The following PPP1R9A variants were observed in gnomAD, a reference collection of about 807,000 sequenced individuals.
PPP1R9A encodes neurabin-1.
Under a neutral mutation model 141.9 loss-of-function variants are expected in PPP1R9A, and 59 were observed. The ratio of observed to expected loss-of-function variants is 0.42; its 90% CI spans 0.34 to 0.52. The LOEUF (loss-of-function observed/expected upper bound fraction) is 0.52. PPP1R9A is among the 20% of genes least tolerant of loss of function. The pLI is 0.10. For synonymous variants in PPP1R9A, 500 were observed against 569.7 expected, an observed-to-expected ratio of 0.88 and a Z score of 1.74; for missense variants, 1,444 against 1,611.9, an observed-to-expected ratio of 0.90 and a Z score of 1.78.
intron 6 of PPP1R9A, chr7:95,202,626 C>T: frequency 1.1e-6 from 1 of 902,504 alleles, no homozygotes; most frequent in Non-Finnish European, 1.3e-6. Flanking sequence ...TTTCATGACA[C>T]TCGGGGGGTA....
At chr7:94,942,433 A>C (rs914701061) in intron 2 of PPP1R9A, among the ~76,000 whole-genome samples, 1 of 152,188 alleles carries the variant, frequency 6.6e-6, no homozygotes, top group Admixed American at 6.6e-5. Context: ...GGCCAAATCT[A>C]GACCTCTGTT....
At chr7:95,261,132 C>T (rs1287528923) in intron 12 of PPP1R9A, among the ~76,000 whole-genome samples, 1 of 152,078 alleles carries the variant, frequency 6.6e-6, no homozygotes, top group East Asian at 1.9e-4. Context: ...TGAAGTGTTG[C>T]CCTGGGCTCC....
chr7:95,232,512 G>A (rs1585375017), intron 8 of PPP1R9A, among the ~76,000 whole-genome samples: 1 of 151,994 alleles, frequency 6.6e-6, no homozygotes, highest in Non-Finnish European at 1.5e-5. Context: ...AAAAGCCAAA[G>A]TTGACAAATG....
rs1585534943 is a variant in PPP1R9A at position 95,265,076 on chromosome 7, T to C, written c.2666-3474T>C. Among the ~76,000 whole-genome samples the C allele has an allele frequency of 2.0e-5, 3 of 152,212 alleles. No homozygotes were observed. The South Asian group carries it at 6.2e-4, about 32-fold the overall frequency. On this transcript the variant is annotated intron_variant, in intron 12 of 19. Coordinates refer to ENST00000433360, the MANE Select transcript of PPP1R9A (RefSeq NM_001166160.2). ...CACAAAACTGACAGCTATTTTTCTT[T>C]GTAAGAATTTTATTCTTGGATATAT... is the stretch of plus-strand genomic sequence containing the variant.
At chr7:94,963,793 A>G (rs1797905765) in intron 2 of PPP1R9A, among the ~76,000 whole-genome samples, 1 of 152,148 alleles carries the variant, frequency 6.6e-6, no homozygotes, top group South Asian at 2.1e-4. Flanking sequence ...ATATCTTTAC[A>G]CCAGATAGTA....
intron 8 of PPP1R9A, among the ~76,000 whole-genome samples, chr7:95,245,908 A>G (rs1307763997): frequency 6.6e-6 from 1 of 152,214 alleles, no homozygotes; most frequent in Non-Finnish European, 1.5e-5. Context: ...CACACCAGCA[A>G]GATGGCCAGA....
intron 4 of PPP1R9A, among the ~76,000 whole-genome samples, chr7:95,145,776 T>C (rs1380044054): frequency 6.6e-6 from 1 of 152,198 alleles, no homozygotes; most frequent in Admixed American, 6.5e-5. Flanking sequence ...CTGTGTTAGT[T>C]TGCTGAGAAT....
At chr7:95,196,636 ATAACTGATACT>A (rs1836322224) in intron 5 of PPP1R9A, among the ~76,000 whole-genome samples, 1 of 152,158 alleles carries the variant, frequency 6.6e-6, no homozygotes, top group African/African-American at 2.4e-5. Flanking sequence ...AAAAGAGCAA[ATAACTGATACT>A]TACAGCAACA....
intron 8 of PPP1R9A, among the ~76,000 whole-genome samples, chr7:95,243,371 C>CGG (rs1271374901): frequency 6.6e-6 from 1 of 152,092 alleles, no homozygotes; most frequent in Non-Finnish European, 1.5e-5. Context: ...AGCATAGTAC[C>CGG]TAGCACGTAG....
At chr7:95,099,817 TA>T (rs975329286) in intron 2 of PPP1R9A, among the ~76,000 whole-genome samples, 5 of 151,948 alleles carry the variant, frequency 3.3e-5, no homozygotes, top group Admixed American at 6.6e-5. Flanking sequence ...AAAATTAAAA[TA>T]AAAAAATACT....
At chr7:95,137,758 A>T (rs1825928872) in intron 4 of PPP1R9A, among the ~76,000 whole-genome samples, 1 of 152,170 alleles carries the variant, frequency 6.6e-6, no homozygotes, top group Non-Finnish European at 1.5e-5. Flanking sequence ...AAGGACCAAG[A>T]TAACAGTTCT....
intron 3 of PPP1R9A, among the ~76,000 whole-genome samples, chr7:95,119,295 TA>T (rs59593432): frequency 2.2e-4 from 32 of 148,084 alleles, no homozygotes; most frequent in Non-Finnish European, 2.7e-4. Context: ...GTAAGTGAAT[TA>T]AAAAAAAAAG....
intron 2 of PPP1R9A, among the ~76,000 whole-genome samples, chr7:95,101,103 C>T (rs1352688149): frequency 3.3e-5 from 5 of 151,940 alleles, no homozygotes; most frequent in East Asian, 3.9e-4. Context: ...CCGCCCGCCT[C>T]GGCCTCCCAA....
At chr7:95,057,594 G>T (rs79138234) in intron 2 of PPP1R9A, among the ~76,000 whole-genome samples, 1 of 152,202 alleles carries the variant, frequency 6.6e-6, no homozygotes, top group African/African-American at 2.4e-5. Context: ...GTACATTAAA[G>T]AAATGATTAT....
chr7:94,997,989 T>C lies in PPP1R9A; in HGVS notation c.1395+86481T>C, dbSNP rs148952721. ...CTCAATGTTTGAAAAAAAATTTTTTTTCCTCAGTTTTCTAGTAGCTTACAG... is the reference window on the plus strand; with the variant it reads ...CTCAATGTTTGAAAAAAAATTTTTTCTCCTCAGTTTTCTAGTAGCTTACAG... On this transcript the variant is annotated intron_variant, in intron 2 of 19. Coordinates refer to ENST00000433360, the MANE Select transcript of PPP1R9A (RefSeq NM_001166160.2). Among the ~76,000 whole-genome samples, 582 of 152,314 alleles carry C rather than the reference T, an allele frequency of 3.8e-3. 22 individuals carry two copies. Among genetic ancestry groups the C allele is most frequent in the East Asian group, 0.034 (176 of 5,192 alleles).
chr7:95,229,446 C>T (rs1421350674), intron 8 of PPP1R9A, among the ~76,000 whole-genome samples: 2 of 151,452 alleles, frequency 1.3e-5, no homozygotes, highest in Non-Finnish European at 2.9e-5. Flanking sequence ...TGAGACTGGC[C>T]TTTAGGACTC....
intron 12 of PPP1R9A, among the ~76,000 whole-genome samples, chr7:95,261,837 T>C (rs1250944446): frequency 6.6e-6 from 1 of 152,202 alleles, no homozygotes; most frequent in African/African-American, 2.4e-5. Flanking sequence ...AAAATTCTTA[T>C]ACATCTATTA....
At chr7:95,143,716 C>T (rs1188349975) in intron 4 of PPP1R9A, among the ~76,000 whole-genome samples, 1 of 152,128 alleles carries the variant, frequency 6.6e-6, no homozygotes, top group African/African-American at 2.4e-5. Flanking sequence ...TACATTATTA[C>T]CTGGGCTGGT....
At chr7:94,916,009 A>C (rs922314845) in intron 2 of PPP1R9A, among the ~76,000 whole-genome samples, 3 of 152,148 alleles carry the variant, frequency 2.0e-5, no homozygotes, top group African/African-American at 4.8e-5. Flanking sequence ...TTTGTCTATA[A>C]GTAAATCTCA....
Sources: gnomAD v4.1 joint callset for allele counts (sites outside exome capture counted in the v4.1 genomes callset) on GRCh38, gnomAD v4.1.1 for gene constraint, MANE v1.5 for transcripts, NCBI Gene and HGNC (gene_info 2026-07-23, HGNC 2026-07-21) for gene names.